The following ATG9A variants were observed in gnomAD, a reference collection of about 807,000 sequenced individuals.
ATG9A encodes the protein autophagy-related protein 9A.
In ATG9A, 21 loss-of-function variants were observed where a neutral mutation model predicts 87.1. That is an observed-to-expected ratio of 0.24 (90% CI 0.17 to 0.35). The LOEUF (loss-of-function observed/expected upper bound fraction) is 0.35. Ranked by LOEUF, ATG9A falls within the 10% of genes least tolerant of loss-of-function variation. ATG9A has a pLI of 1.00. For missense variants in ATG9A, 836 were observed against 1,107.3 expected, an observed-to-expected ratio of 0.76 and a Z score of 3.48; for synonymous variants, 422 against 441.3, an observed-to-expected ratio of 0.96 and a Z score of 0.55.
In ATG9A at chr2:219,222,816, G is replaced by C. The variant is rs764304845; in HGVS notation, c.1677C>G (p.His559Gln). Reference protein sequence around the residue: ...EDGKTELSLMHFAITNPGWQP... With the variant: ...EDGKTELSLMQFAITNPGWQP... ...GCCAGCCAGGGTTGGTGATGGCAAA[G>C]TGCATGAGTGACAACTCTGTCTTTC... The change falls in exon 11 of 16, where the codon CAC (histidine) becomes CAG (glutamine). Residue 559 changes from histidine to glutamine, a missense_variant. This residue lies in a region of ATG9A where 512 missense variants were observed against 759.6 expected (regional missense o/e 0.67). Transcript: ENST00000361242. The surrounding 1 kb of genome is among the most constrained non-coding windows in gnomAD (Gnocchi z 4.3). 1.2e-6 allele frequency: 2 copies of C among 1,614,124 alleles called. No homozygotes were observed. Among genetic ancestry groups the C allele is most frequent in the Non-Finnish European group, 1.7e-6 (2 of 1,180,058 alleles).
At chr2:219,226,598 GA>G (rs1950865944) in intron 5 of ATG9A, among the ~76,000 whole-genome samples, 1 of 152,062 alleles carries the variant, frequency 6.6e-6, no homozygotes, top group Non-Finnish European at 1.5e-5. Context: ...TGAGGCAGGA[GA>G]ATCACTTGAA....
Position 219,227,968 on chromosome 2 carries a change from G to C in ATG9A, c.57C>G (p.Pro19=), listed in dbSNP as rs1224608525. ...GCACCAACAGGTCCTCCTCCCCTGG[G>C]GGTGAATCACTATAGGAGGCCTCTA... ...QRLEASYSDS[P]PGEEDLLVHV... The change falls in exon 3 of 16, where the codon CCC becomes CCG. Residue 19 remains proline, a synonymous_variant. Transcript: ENST00000361242. The C allele has an allele frequency of 6.2e-7, 1 of 1,614,142 alleles. No homozygotes were observed. The highest frequency in any genetic ancestry group is 8.5e-7 in the Non-Finnish European group (1 of 1,180,012).
At chr2:219,220,606 A>G in intron 15 of ATG9A, 141 bp downstream of exon 15, 3 of 1,480,698 alleles carry the variant, frequency 2.0e-6, no homozygotes, top group Non-Finnish European at 2.8e-6. Flanking sequence ...AGTTGAGAAA[A>G]GAAGGGGTAG....
rs766711743 is a variant in ATG9A, at chr2:219,226,949, A to G, written c.148-16T>C. The stretch of plus-strand genomic sequence containing the variant: ...GATTATAAACGTGTAATTGTTAAGA[A>G]AAAGTAGTCAGTAAAGAAAGCAGGT... On this transcript the variant is annotated splice_polypyrimidine_tract_variant and intron_variant, in intron 4 of 15. Coordinates refer to ENST00000361242, the MANE Select transcript of ATG9A (RefSeq NM_001077198.3). The G allele has an allele frequency of 8.1e-6, 13 of 1,605,420 alleles. No individual in the cohort carries two copies. The highest frequency in any genetic ancestry group is 8.5e-7 in the Non-Finnish European group (1 of 1,172,200).
intron 15 of ATG9A, 26 bp from the exon 16 acceptor site, chr2:219,220,478 G>A: frequency 1.9e-6 from 3 of 1,613,592 alleles, no homozygotes; most frequent in Non-Finnish European, 2.5e-6. Context: ...GTTGGTAATG[G>A]AGATAGTCTT....
In ATG9A at chr2:219,223,383, T is replaced by C. The variant is rs1950803044; in HGVS notation, c.1599+202A>G. Among the ~76,000 whole-genome samples the C allele has an allele frequency of 6.6e-6, 1 of 152,150 alleles. No homozygotes were observed. The highest frequency in any genetic ancestry group is 1.5e-5 in the Non-Finnish European group (1 of 68,014). On this transcript the variant is annotated intron_variant, in intron 10 of 15. Coordinates refer to ENST00000361242, the MANE Select transcript of ATG9A (RefSeq NM_001077198.3). The surrounding 1 kb of genome is among the most constrained non-coding windows in gnomAD (Gnocchi z 4.7). ...GATTACAGACGTGAGCCACCGCGCCTGGCCGTGTTGTGCCTTTCTTAAGGG... is the reference window on the plus strand; with the variant it reads ...GATTACAGACGTGAGCCACCGCGCCCGGCCGTGTTGTGCCTTTCTTAAGGG...
rs1222301045 is a variant in ATG9A, at chr2:219,223,254, A to AT, written c.1599+330dup. The stretch of plus-strand genomic sequence containing the variant: ...AGGCGCCCGCTACCACGCCTGGCTA[A>AT]TTTTTTTGTATTTTTAGTAGAGAAG... On this transcript the variant is annotated intron_variant, in intron 10 of 15. Transcript: ENST00000361242. The surrounding 1 kb of genome is among the most constrained non-coding windows in gnomAD (Gnocchi z 4.7). Among the ~76,000 whole-genome samples, 3 of 151,752 alleles carry AT rather than the reference A, an allele frequency of 2.0e-5. No homozygotes were observed. The highest frequency in any genetic ancestry group is 2.9e-5 in the Non-Finnish European group (2 of 67,952).
At chr2:219,227,517 A>G (rs1371236110) in intron 4 of ATG9A, among the ~76,000 whole-genome samples, 1 of 13,818 alleles carries the variant, frequency 7.2e-5, no homozygotes, top group Non-Finnish European at 1.3e-3. Context: ...ATCTCAAACA[A>G]AAAAAAAAGG....
intron 5 of ATG9A, among the ~76,000 whole-genome samples, 193 bp downstream of exon 5, chr2:219,226,676 C>T (rs1036278736): frequency 6.6e-6 from 1 of 152,048 alleles, no homozygotes; most frequent in Admixed American, 6.5e-5. Flanking sequence ...GAGTGAGACT[C>T]ACTCCATCTC....
intron 15 of ATG9A, 123 bp from the exon 16 acceptor site, chr2:219,220,575 A>T (rs1950731580): frequency 1.3e-6 from 2 of 1,526,490 alleles, no homozygotes; most frequent in South Asian, 1.2e-5. Flanking sequence ...TAAGGTAAGG[A>T]AAAACCAAGC....
intron 4 of ATG9A, among the ~76,000 whole-genome samples, 183 bp downstream of exon 4, chr2:219,227,587 G>A (rs1950887977): frequency 6.6e-6 from 1 of 152,166 alleles, no homozygotes; most frequent in African/African-American, 2.4e-5. Flanking sequence ...CAGGCACACA[G>A]ATCTTGGTAA....
At position 219,225,279 on chromosome 2, in the gene ATG9A, A is replaced by G. The variant is rs1056297276; in HGVS notation, c.375-67T>C. The stretch of plus-strand genomic sequence containing the variant: ...AAGGAGTCTTGGCAGAGACGCTGCT[A>G]TCCTGAAGTATTTTTGCTAGACCAA... On this transcript the variant is annotated intron_variant, in intron 6 of 15. Coordinates refer to ENST00000361242, the MANE Select transcript of ATG9A (RefSeq NM_001077198.3). 5.6e-6 allele frequency: 9 copies of G among 1,607,970 alleles called. No individual in the cohort carries two copies. The African/African-American group carries it at 1.2e-4, about 22-fold the overall frequency.
Position 219,223,962 on chromosome 2 carries a change from G to A in ATG9A, c.1326C>T (p.Leu442=), listed in dbSNP as rs767406311. The A allele has an allele frequency of 1.3e-5, 21 of 1,614,148 alleles. No homozygotes were observed. The highest frequency in any genetic ancestry group is 8.8e-5 in the South Asian group (8 of 91,080). The change falls in exon 9 of 16, where the codon CTC becomes CTT. Residue 442 remains leucine, a synonymous_variant. Coordinates refer to ENST00000361242, the MANE Select transcript of ATG9A (RefSeq NM_001077198.3). The surrounding 1 kb of genome is among the most constrained non-coding windows in gnomAD (Gnocchi z 4.7). ...GGTCAGGCATGTAGTGGATGTGAGCGAGGATCACGCGGAGCAGCTGCTCAG... is the reference window on the plus strand; with the variant it reads ...GGTCAGGCATGTAGTGGATGTGAGCAAGGATCACGCGGAGCAGCTGCTCAG... ...FCPEQLLRVI[L]AHIHYMPDHW... is the part of the protein sequence containing the mutation.
chr2:219,226,948 A>G lies in ATG9A; in HGVS notation c.148-15T>C. On this transcript the variant is annotated splice_polypyrimidine_tract_variant and intron_variant, in intron 4 of 15. Transcript: ENST00000361242. ...AGATTATAAACGTGTAATTGTTAAG[A>G]AAAAGTAGTCAGTAAAGAAAGCAGG... 1 of 1,607,452 alleles carries G rather than the reference A, an allele frequency of 6.2e-7. No homozygotes were observed. Among genetic ancestry groups the G allele is most frequent in the Non-Finnish European group, 8.5e-7 (1 of 1,173,908 alleles).
Position 219,228,010 on chromosome 2 carries a change from G to A in ATG9A, c.15C>T (p.Asp5=). The change falls in exon 3 of 16, where the codon GAC becomes GAT. Residue 5 remains aspartate, a synonymous_variant. Coordinates refer to ENST00000361242, the MANE Select transcript of ATG9A (RefSeq NM_001077198.3). ...AGGCCTCTAGGCGCTGGTATTCAGT[G>A]TCAAACTGCGCCATCACCACCGCCC... MAQF[D]TEYQRLEASY... is the part of the protein sequence containing the mutation. The A allele has an allele frequency of 6.2e-7, 1 of 1,613,856 alleles. No individual in the cohort carries two copies.
chr2:219,220,311 G>A lies in ATG9A; in HGVS notation c.*136C>T, dbSNP rs1253994192. 3 of 1,223,102 alleles carry A rather than the reference G, an allele frequency of 2.5e-6. No individual in the cohort carries two copies. The East Asian group carries it at 7.1e-5, about 29-fold the overall frequency. 75.8% of individuals were successfully genotyped at this position (1,223,102 alleles called of 1,614,324 possible). ...CAAGCCCAGTGTTGGCACCTCCCTT[G>A]GCCAGGCACAGACACACAAACACCA... is the stretch of plus-strand genomic sequence containing the variant. On this transcript the variant is annotated 3_prime_UTR_variant, in exon 16 of 16. Transcript: ENST00000361242.
intron 14 of ATG9A, 55 bp downstream of exon 14, chr2:219,221,024 TG>T (rs924584045): frequency 1.3e-6 from 2 of 1,598,546 alleles, no homozygotes; most frequent in African/African-American, 2.7e-5. Flanking sequence ...TGAGAGGCCC[TG>T]GAAGAACCAC....
chr2:219,226,925 A>G lies in ATG9A; in HGVS notation c.156T>C (p.Asn52=). Reference sequence around the variant, plus strand: ...ATGTGAAGCCATTCTTCTGGTGCAGATTATAAACGTGTAATTGTTAAGAAA... The same window carrying G: ...ATGTGAAGCCATTCTTCTGGTGCAGGTTATAAACGTGTAATTGTTAAGAAA... ...NLDLFFSRVY[N]LHQKNGFTCM... is the part of the protein sequence containing the mutation. The change falls in exon 5 of 16, where the codon AAT becomes AAC. Residue 52 remains asparagine, a synonymous_variant. Coordinates refer to ENST00000361242, the MANE Select transcript of ATG9A (RefSeq NM_001077198.3). 6.8e-6 allele frequency: 11 copies of G among 1,613,502 alleles called. No homozygotes were observed. The highest frequency in any genetic ancestry group is 9.3e-6 in the Non-Finnish European group (11 of 1,179,386).
chr2:219,225,419 A>G lies in ATG9A; in HGVS notation c.366T>C (p.Cys122=), dbSNP rs1950841535. The change falls in exon 6 of 16, where the codon TGT becomes TGC. Residue 122 remains cysteine (C), a synonymous_variant. Transcript: ENST00000361242. ...TGACTTGCAGCCCTTACCTGGCACT[A>G]CAGACTTGAGCAGGCAAAAAGGCGT... is the stretch of plus-strand genomic sequence containing the variant. ...LPDAFLPAQV[C]SARIQENGSL... is the part of the protein sequence containing the mutation. 18 of 1,614,056 alleles carry G rather than the reference A, an allele frequency of 1.1e-5. No homozygotes were observed. Among genetic ancestry groups the G allele is most frequent in the Non-Finnish European group, 1.5e-5 (18 of 1,179,944 alleles).
Sources: gnomAD v4.1 joint callset for allele counts (sites outside exome capture counted in the v4.1 genomes callset) on GRCh38, gnomAD v4.1.1 for gene constraint, gnomAD v4.1.1 regional missense constraint, Gnocchi (gnomAD v3.1) non-coding constraint, MANE v1.5 for transcripts, NCBI Gene and HGNC (gene_info 2026-07-23, HGNC 2026-07-21) for gene names.